The following KASH5 variants were observed in gnomAD, a reference collection of about 807,000 sequenced individuals.
KASH5 encodes protein KASH5.
Under a neutral mutation model 84.2 loss-of-function variants are expected in KASH5, and 72 were observed. The observed-to-expected ratio is 0.85, with a 90% CI of 0.71 to 1.04. The LOEUF (loss-of-function observed/expected upper bound fraction) is 1.04, where lower values mean the gene tolerates loss of function less well. Among genes scored for constraint, KASH5 ranks in the 50% least tolerant of loss-of-function variants. The pLI, the probability that KASH5 is intolerant of heterozygous loss-of-function variation, is 0.00. For missense variants in KASH5, 650 were observed against 701.0 expected, an observed-to-expected ratio of 0.93 and a Z score of 0.82; for synonymous variants, 260 against 279.1, an observed-to-expected ratio of 0.93 and a Z score of 0.68.
chr19:49,403,185 C>T (rs148489064), intron 9 of KASH5, among the ~76,000 whole-genome samples: 5,227 of 152,140 alleles, frequency 0.034, 283 homozygotes, highest in African/African-American at 0.12. Flanking sequence ...GTGAAACCCC[C>T]GTCTCTACTA....
At chr19:49,405,881 G>A (rs1333362711) in intron 9 of KASH5, among the ~76,000 whole-genome samples, 2 of 150,950 alleles carry the variant, frequency 1.3e-5, no homozygotes, top group East Asian at 1.9e-4. Flanking sequence ...ACTTGAACCC[G>A]GGAGGCAGAG....
intron 2 of KASH5, among the ~76,000 whole-genome samples, chr19:49,393,038 G>A (rs1287665492): frequency 2.0e-5 from 3 of 152,034 alleles, no homozygotes; most frequent in Non-Finnish European, 4.4e-5. Flanking sequence ...AGACAGAGGG[G>A]GTGCAAATTT....
chr19:49,393,362 A>G (rs1974063969), intron 2 of KASH5: 1 of 152,154 alleles, frequency 6.6e-6, no homozygotes, highest in Non-Finnish European at 1.5e-5. Flanking sequence ...GGTAACACCA[A>G]CCCCATTTTC....
intron 9 of KASH5, among the ~76,000 whole-genome samples, chr19:49,400,248 T>C (rs1326542631): frequency 3.7e-5 from 5 of 133,366 alleles, no homozygotes; most frequent in Admixed American, 3.7e-4. Context: ...AAAAAAAAAA[T>C]TGGATTTGAA....
intron 2 of KASH5, among the ~76,000 whole-genome samples, chr19:49,394,232 C>A (rs975777287): frequency 5.3e-5 from 8 of 152,084 alleles, no homozygotes; most frequent in Non-Finnish European, 1.0e-4. Flanking sequence ...GGCTCCTAAG[C>A]CAATTGGACA....
intron 16 of KASH5, among the ~76,000 whole-genome samples, chr19:49,413,865 T>G (rs1879430835): frequency 6.6e-6 from 1 of 151,772 alleles, no homozygotes; most frequent in African/African-American, 2.4e-5. Flanking sequence ...GATCAGATAG[T>G]GTATGTCTGA....
rs1025795332 is a variant in KASH5 at position 49,416,394 on chromosome 19, T to C, written c.1375-621T>C. ...TTTTAGTAGAGACGGAGTTTCGCCATGTTGGCCAGGTTGGTCTCCATGTCC... is the reference window on the plus strand; with the variant it reads ...TTTTAGTAGAGACGGAGTTTCGCCACGTTGGCCAGGTTGGTCTCCATGTCC... On this transcript the variant is annotated intron_variant, in intron 17 of 19. Coordinates refer to ENST00000447857, the MANE Select transcript of KASH5 (RefSeq NM_144688.5). The surrounding 1 kb of genome is among the most constrained non-coding windows in gnomAD (Gnocchi z 5.4). Among the ~76,000 whole-genome samples, 2 of 152,336 alleles carry C rather than the reference T, an allele frequency of 1.3e-5. No individual in the cohort carries two copies. The highest frequency in any genetic ancestry group is 1.9e-4 in the East Asian group (1 of 5,178).
At chr19:49,404,887 C>T (rs7248378) in intron 9 of KASH5, among the ~76,000 whole-genome samples, 1 of 151,938 alleles carries the variant, frequency 6.6e-6, no homozygotes, top group Non-Finnish European at 1.5e-5. Flanking sequence ...ATCTACCTAC[C>T]AGTTTATAAG....
At chr19:49,403,242 G>A (rs561780733) in intron 9 of KASH5, among the ~76,000 whole-genome samples, 9 of 152,258 alleles carry the variant, frequency 5.9e-5, no homozygotes, top group Non-Finnish European at 1.3e-4. Flanking sequence ...GCATGGCGGC[G>A]GGCCGCTATA....
Position 49,414,878 on chromosome 19 carries a change from C to T in KASH5, c.1329-73C>T, listed in dbSNP as rs1351984907. ...TAAGACCCCCTGCTCCAAGGCTTCT[C>T]TCCCAGCCCATAGTAGGCAAAGGGA... On this transcript the variant is annotated intron_variant, in intron 16 of 19. Coordinates refer to ENST00000447857, the MANE Select transcript of KASH5 (RefSeq NM_144688.5). This position sits in a 1 kb window ranked among gnomAD's most constrained non-coding sequence, Gnocchi z 4.5. 14 of 1,555,282 alleles carry T rather than the reference C, an allele frequency of 9.0e-6. No individual in the cohort carries two copies. Among genetic ancestry groups the T allele is most frequent in the Admixed American group, 7.6e-5 (4 of 52,740 alleles).
At chr19:49,392,205 G>A (rs1974024419) in intron 2 of KASH5, among the ~76,000 whole-genome samples, 1 of 152,166 alleles carries the variant, frequency 6.6e-6, no homozygotes, top group South Asian at 2.1e-4. Flanking sequence ...GCAGAGGAAG[G>A]AAAGAGAAGA....
At chr19:49,407,139 G>C in intron 10 of KASH5, 101 bp from the exon 11 acceptor site, 1 of 1,427,250 alleles carries the variant, frequency 7.0e-7, no homozygotes, top group South Asian at 1.2e-5. Context: ...TCAGGAGGCT[G>C]AATACGTGGG....
intron 9 of KASH5, among the ~76,000 whole-genome samples, chr19:49,405,803 A>C (rs1172590283): frequency 6.6e-6 from 1 of 151,990 alleles, no homozygotes; most frequent in Admixed American, 6.6e-5. Context: ...CTAAAAATAC[A>C]AAATTAGCTG....
rs764216370 is a variant in KASH5, at chr19:49,398,068, G to A, written c.554G>A (p.Arg185Gln). The A allele has an allele frequency of 3.0e-5, 48 of 1,613,422 alleles. No homozygotes were observed. The highest frequency in any genetic ancestry group is 2.2e-4 in the South Asian group (20 of 91,048). The change falls in exon 7 of 20, where the codon CGG becomes CAG. Residue 185 changes from arginine (R) to glutamine (Q), a missense_variant. Transcript: ENST00000447857. ...RLVGENAKLQRSMETAEEGSA... is the reference protein window; with the variant it reads ...RLVGENAKLQQSMETAEEGSA... ...GTTGGGGAGAATGCCAAATTGCAGC[G>A]GAGCATGGAGACAGCTGAGGAGGGG... is the stretch of plus-strand genomic sequence containing the variant.
chr19:49,394,311 G>T (rs979459422), intron 2 of KASH5, among the ~76,000 whole-genome samples, 165 bp from the exon 3 acceptor site: 3 of 152,164 alleles, frequency 2.0e-5, no homozygotes, highest in African/African-American at 7.2e-5. Context: ...CCCTCACATT[G>T]TTGCCCCCTC....
chr19:49,396,261 T>G (rs1000759849), intron 5 of KASH5, among the ~76,000 whole-genome samples: 4 of 96,354 alleles, frequency 4.2e-5, no homozygotes, highest in African/African-American at 1.3e-4. Context: ...TTTTTTTTTT[T>G]TTTTTTTTTG....
Position 49,416,994 on chromosome 19 carries a change from G to C in KASH5, c.1375-21G>C. On this transcript the variant is annotated intron_variant, in intron 17 of 19. Coordinates refer to ENST00000447857, the MANE Select transcript of KASH5 (RefSeq NM_144688.5). This position sits in a 1 kb window ranked among gnomAD's most constrained non-coding sequence, Gnocchi z 5.4. ...CAGTCCAGAACCCGGTGCCTCCAAC[G>C]CATCTCTTCTGTCCTTGCAGGCTGA... 1 of 1,571,884 alleles carries C rather than the reference G, an allele frequency of 6.4e-7. No homozygotes were observed. The highest frequency in any genetic ancestry group is 8.6e-7 in the Non-Finnish European group (1 of 1,159,158).
chr19:49,400,038 G>A (rs557621064), intron 9 of KASH5, among the ~76,000 whole-genome samples: 5 of 152,070 alleles, frequency 3.3e-5, no homozygotes, highest in East Asian at 1.9e-4. Context: ...AGACCATCCC[G>A]GGCAACATGG....
At chr19:49,398,239 G>T in intron 7 of KASH5, 96 bp downstream of exon 7, 1 of 1,052,406 alleles carries the variant, frequency 9.5e-7, no homozygotes, top group Admixed American at 2.9e-5. Flanking sequence ...TCTGCATCCT[G>T]CTCTTTGACT....
Sources: allele counts gnomAD v4.1 joint callset (sites outside exome capture counted in the v4.1 genomes callset), GRCh38; gene constraint gnomAD v4.1.1; non-coding constraint Gnocchi (gnomAD v3.1); transcripts MANE v1.5; gene names NCBI Gene and HGNC (gene_info 2026-07-23, HGNC 2026-07-21).